Variants in MAFF observed in about 807,000 individuals in gnomAD.
MAFF encodes transcription factor MafF.
A neutral mutation model predicts 2.7 loss-of-function variants in MAFF; 4 were observed. That is an observed-to-expected ratio of 1.48 (90% CI 0.73 to 3.39). The LOEUF (loss-of-function observed/expected upper bound fraction) is 3.39, where lower values mean the gene tolerates loss of function less well. MAFF is among the 30% of genes most tolerant of loss of function. MAFF has a pLI of 0.01. For synonymous variants in MAFF, 113 were observed against 119.4 expected (o/e 0.95, Z 0.35); for missense variants, 190 against 246.6 (o/e 0.77, Z 1.54).
intron 1 of MAFF, among the ~76,000 whole-genome samples, chr22:38,209,920 G>A (rs112322038): frequency 0.035 from 5,372 of 152,142 alleles, 146 homozygotes; most frequent in Middle Eastern, 0.054. Flanking sequence ...AAAGGTCAGG[G>A]TAGCCAGCAG....
In MAFF at chr22:38,214,121, T is replaced by C. The variant is rs904739524; in HGVS notation, c.36+232T>C. 2.0e-5 allele frequency among the ~76,000 whole-genome samples: 3 copies of C among 152,206 alleles called. No individual in the cohort carries two copies. Among genetic ancestry groups the C allele is most frequent in the African/African-American group, 7.2e-5 (3 of 41,448 alleles). On this transcript the variant is annotated intron_variant, in intron 2 of 2. Transcript: ENST00000338483. The surrounding 1 kb of genome is among the most constrained non-coding windows in gnomAD (Gnocchi z 6.3). ...GGTCACTTCCCTCTCCAGGCCTCCT[T>C]CCCCATCGGGTCAATGTCCCCTGGG...
intron 1 of MAFF, among the ~76,000 whole-genome samples, chr22:38,210,085 G>A (rs1260788506): frequency 6.6e-6 from 1 of 152,164 alleles, no homozygotes; most frequent in Non-Finnish European, 1.5e-5. Context: ...CAGCAGTGGG[G>A]GGTCGCAGCT....
In MAFF at chr22:38,215,537, T is replaced by C. The variant is rs2146026134; in HGVS notation, c.*659T>C. The C allele has an allele frequency of 6.0e-6, 1 of 167,094 alleles. No homozygotes were observed. Among genetic ancestry groups the C allele is most frequent in the East Asian group, 1.9e-4 (1 of 5,164 alleles). 10.4% of individuals were successfully genotyped at this position (167,094 alleles called of 1,614,324 possible). A position where few individuals can be genotyped will look rare whatever the true frequency, so the allele number is the denominator to read the frequency against. On this transcript the variant is annotated 3_prime_UTR_variant, in exon 3 of 3. Transcript: ENST00000338483. ...GACAGTGGACAGGGACTCAGAAATG[T>C]GGTGGGAGGGCCTCCCTGGCTTGGG...
At chr22:38,207,423 C>CTTTTT (rs71195092) in intron 1 of MAFF, among the ~76,000 whole-genome samples, 11 of 78,348 alleles carry the variant, frequency 1.4e-4, no homozygotes, top group Non-Finnish European at 2.1e-4. Context: ...GCTTGGCCAT[C>CTTTTT]TTTTTTTTTT....
intron 1 of MAFF, among the ~76,000 whole-genome samples, chr22:38,209,134 C>T (rs1280942192): frequency 2.0e-5 from 3 of 151,946 alleles, no homozygotes; most frequent in Admixed American, 6.6e-5. Context: ...GTCGCGATCT[C>T]GGCTCACTGC....
chr22:38,213,703 G>T (rs762684212), intron 1 of MAFF, 120 bp from the exon 2 acceptor site: 28 of 758,304 alleles, frequency 3.7e-5, no homozygotes, highest in Non-Finnish European at 5.0e-5. Flanking sequence ...GAGGAAGGTG[G>T]CAGGTATGAA....
rs1470290267 is a variant in MAFF, at chr22:38,214,825, T to C, written c.442T>C (p.Ser148Pro). 2.0e-6 allele frequency: 3 copies of C among 1,492,408 alleles called. No individual in the cohort carries two copies. The highest frequency in any genetic ancestry group is 4.5e-5 in the Admixed American group (2 of 44,356). 92.4% of individuals were successfully genotyped at this position (1,492,408 alleles called of 1,614,324 possible). The change falls in exon 3 of 3, where the codon TCT (serine) becomes CCT (proline). Residue 148 changes from serine (S) to proline (P), a missense_variant. Physicochemically the swap from Ser to Pro is moderately conservative, Grantham distance 74. This residue lies in a region of MAFF where 103 missense variants were observed against 103.0 expected (regional missense o/e 1.00). Transcript: ENST00000338483. The surrounding 1 kb of genome is among the most constrained non-coding windows in gnomAD (Gnocchi z 6.3). The part of the protein sequence containing the change: ...TIVKSTPGSG[S>P]GPAHGPDPAH... The stretch of plus-strand genomic sequence containing the variant: ...CGTCAAGTCCACCCCGGGCTCGGGG[T>C]CTGGCCCCGCCCACGGCCCGGACCC...
At chr22:38,209,060 T>G (rs11705176) in intron 1 of MAFF, among the ~76,000 whole-genome samples, 44,785 of 150,996 alleles carry the variant, frequency 0.3, 6,895 homozygotes, top group Middle Eastern at 0.4. Flanking sequence ...TTTTGTTTGC[T>G]TGTTTGTTTT....
At chr22:38,212,192 G>C (rs28497921) in intron 1 of MAFF, among the ~76,000 whole-genome samples, 366 of 152,250 alleles carry the variant, frequency 2.4e-3, no homozygotes, top group Admixed American at 4.4e-3. Flanking sequence ...GTAGAGACAG[G>C]GTTTTGCCAT....
At chr22:38,209,869 A>G (rs1376032836) in intron 1 of MAFF, among the ~76,000 whole-genome samples, 1 of 150,888 alleles carries the variant, frequency 6.6e-6, no homozygotes, top group Non-Finnish European at 1.5e-5. Context: ...GAAAGGTAGG[A>G]TCGGTGAGGT....
intron 1 of MAFF, among the ~76,000 whole-genome samples, chr22:38,210,623 A>T (rs142118616): frequency 8.3e-5 from 11 of 132,912 alleles, no homozygotes; most frequent in African/African-American, 1.1e-4. Flanking sequence ...GGACACAGGG[A>T]GTGTGTGTGT....
Position 38,215,001 on chromosome 22 carries a change from C to T in MAFF, c.*123C>T, listed in dbSNP as rs1399895460. ...CAGCACTGGCCCCTTGGTGCACACACATTCCCTTCGTGGGCCCTGTCTTCC... is the reference window on the plus strand; with the variant it reads ...CAGCACTGGCCCCTTGGTGCACACATATTCCCTTCGTGGGCCCTGTCTTCC... On this transcript the variant is annotated 3_prime_UTR_variant, in exon 3 of 3. Transcript: ENST00000338483. The T allele has an allele frequency of 6.6e-6, 5 of 752,156 alleles. No homozygotes were observed. Among genetic ancestry groups the T allele is most frequent in the Non-Finnish European group, 1.1e-5 (5 of 447,282 alleles). The allele number at this position is 752,156 out of a possible 1,614,324, so 46.6% of individuals were successfully genotyped here.
intron 1 of MAFF, among the ~76,000 whole-genome samples, chr22:38,207,990 G>A (rs2091066517): frequency 6.6e-6 from 1 of 152,174 alleles, no homozygotes; most frequent in African/African-American, 2.4e-5. Flanking sequence ...TGTGACTTCA[G>A]GCAAGTGCTG....
At chr22:38,209,957 T>C (rs995336195) in intron 1 of MAFF, among the ~76,000 whole-genome samples, 1 of 151,702 alleles carries the variant, frequency 6.6e-6, no homozygotes, top group Non-Finnish European at 1.5e-5. Flanking sequence ...CCAGGTAGGA[T>C]GGGAGTGCAC....
At chr22:38,206,905 G>C (rs1182101327) in intron 1 of MAFF, among the ~76,000 whole-genome samples, 2 of 152,146 alleles carry the variant, frequency 1.3e-5, no homozygotes, top group Admixed American at 6.6e-5. Context: ...CGGCTGGTAA[G>C]GGGGCCTGGA....
Position 38,214,884 on chromosome 22 carries a change from G to GC in MAFF, c.*11dup. The GC allele has an allele frequency of 1.4e-6, 2 of 1,478,522 alleles. No individual in the cohort carries two copies. Among genetic ancestry groups the GC allele is most frequent in the East Asian group, 2.9e-5 (1 of 35,086 alleles). The allele number at this position is 1,478,522 out of a possible 1,614,324, so 91.6% of individuals were successfully genotyped here. A position where few individuals can be genotyped will look rare whatever the true frequency, so the allele number is the denominator to read the frequency against. On this transcript the variant is annotated 3_prime_UTR_variant, in exon 3 of 3. Coordinates refer to ENST00000338483, the MANE Select transcript of MAFF (RefSeq NM_012323.4). The surrounding 1 kb of genome is among the most constrained non-coding windows in gnomAD (Gnocchi z 6.3). ...GCCCGGCCTCCTGCTCCTAGTGCCC[G>GC]CCCCCGCCATGCCTCAGCCACGCCC...
rs2146026232 is a variant in MAFF at position 38,215,601 on chromosome 22, G to T, written c.*723G>T. ...CAAGGGAGGGGGAGAGAAGCAGAGGGAGAGAGAAGGTGACACGGATGGAAG... is the reference window on the plus strand; with the variant it reads ...CAAGGGAGGGGGAGAGAAGCAGAGGTAGAGAGAAGGTGACACGGATGGAAG... On this transcript the variant is annotated 3_prime_UTR_variant, in exon 3 of 3. Transcript: ENST00000338483. 1 of 167,612 alleles carries T rather than the reference G, an allele frequency of 6.0e-6. No individual in the cohort carries two copies. Among genetic ancestry groups the T allele is most frequent in the South Asian group, 2.1e-4 (1 of 4,846 alleles). 10.4% of individuals were successfully genotyped at this position (167,612 alleles called of 1,614,324 possible).
intron 1 of MAFF, among the ~76,000 whole-genome samples, chr22:38,211,210 G>C (rs1248419933): frequency 6.7e-6 from 1 of 149,850 alleles, no homozygotes; most frequent in Non-Finnish European, 1.5e-5. Context: ...GGTTGGAGAA[G>C]GGATGCTGGG....
chr22:38,204,918 T>C (rs932525134), intron 1 of MAFF, among the ~76,000 whole-genome samples: 12 of 151,784 alleles, frequency 7.9e-5, no homozygotes, highest in Non-Finnish European at 1.6e-4. Context: ...CTGACAGCTC[T>C]TGGGGGAGGA....
Sources: gnomAD v4.1 joint callset for allele counts (sites outside exome capture counted in the v4.1 genomes callset) on GRCh38, gnomAD v4.1.1 for gene constraint, gnomAD v4.1.1 regional missense constraint, Gnocchi (gnomAD v3.1) non-coding constraint, MANE v1.5 for transcripts, NCBI Gene and HGNC (gene_info 2026-07-23, HGNC 2026-07-21) for gene names.